Variants in PI4KA observed in about 807,000 individuals in gnomAD.
The protein encoded by PI4KA is phosphatidylinositol 4-kinase alpha.
In PI4KA, 122 loss-of-function variants were observed where a neutral mutation model predicts 271.4. The ratio of observed to expected loss-of-function variants is 0.45; its 90% CI spans 0.39 to 0.52. PI4KA has a LOEUF of 0.52. Among genes scored for constraint, PI4KA ranks in the 20% least tolerant of loss-of-function variants. The probability of loss-of-function intolerance (pLI) is 0.00; values close to 1 mark genes in which losing one functional copy is unlikely to be tolerated. For synonymous variants in PI4KA, 1,041 were observed against 1,078.8 expected (o/e 0.96, Z 0.69); for missense variants, 1,969 against 2,769.1 (o/e 0.71, Z 6.48).
At position 20,730,000 on chromosome 22, in the gene PI4KA, T is replaced by A; in HGVS notation, c.4300A>T (p.Thr1434Ser). 1 of 1,614,116 alleles carries A rather than the reference T, an allele frequency of 6.2e-7. No homozygotes were observed. Among genetic ancestry groups the A allele is most frequent in the Non-Finnish European group, 8.5e-7 (1 of 1,180,014 alleles). The change falls in exon 37 of 55, where the codon ACC (threonine) becomes TCC (serine). Residue 1434 changes from threonine to serine, a missense_variant. Thr to Ser is a moderately conservative substitution (Grantham distance 58). Coordinates refer to ENST00000255882, the MANE Select transcript of PI4KA (RefSeq NM_058004.4). ...SQLVPPDNQD[T>S]RSNLDITVGS... ...ACAGTTATGTCCAGGTTGCTCCGGGTGTCCTGATTATCTGAGGGCAAACAC... is the reference window on the plus strand; with the variant it reads ...ACAGTTATGTCCAGGTTGCTCCGGGAGTCCTGATTATCTGAGGGCAAACAC...
intron 19 of PI4KA, among the ~76,000 whole-genome samples, chr22:20,770,995 C>T (rs1315765182): frequency 1.3e-5 from 2 of 152,092 alleles, no homozygotes; most frequent in Admixed American, 6.5e-5. Flanking sequence ...ACTTGGCCAA[C>T]ATAGTGAGAC....
rs757979070 is a variant in PI4KA at position 20,712,587 on chromosome 22, C to T, written c.5701G>A (p.Asp1901Asn). The change falls in exon 50 of 55, where the codon GAC becomes AAC. Residue 1901 changes from aspartate (D) to asparagine (N), a missense_variant. By Grantham distance (23) the Asp-to-Asn change is conservative (BLOSUM62 1). Coordinates refer to ENST00000255882, the MANE Select transcript of PI4KA (RefSeq NM_058004.4). ...CCCAGCTGGTCCCGGGAGGTGCAGTCGGGGATGCACTCGATCACCCCGCAC... is the reference window on the plus strand; with the variant it reads ...CCCAGCTGGTCCCGGGAGGTGCAGTTGGGGATGCACTCGATCACCCCGCAC... ...PGCGVIECIP[D>N]CTSRDQLGRQ... 26 of 1,586,608 alleles carry T rather than the reference C, an allele frequency of 1.6e-5. No homozygotes were observed. Among genetic ancestry groups the T allele is most frequent in the African/African-American group, 4.1e-5 (3 of 73,714 alleles).
At chr22:20,805,859 AG>A (rs1023860673) in intron 10 of PI4KA, among the ~76,000 whole-genome samples, 2 of 151,434 alleles carry the variant, frequency 1.3e-5, no homozygotes, top group African/African-American at 4.9e-5. Flanking sequence ...AGAAAGAAAA[AG>A]GTTGTCAGAT....
intron 32 of PI4KA, among the ~76,000 whole-genome samples, chr22:20,737,929 CT>C (rs111741125): frequency 0.07 from 10,712 of 152,230 alleles, 364 homozygotes; most frequent in East Asian, 0.08. Flanking sequence ...CTGCGCCTGG[CT>C]GAGCAGCCCC....
At chr22:20,765,288 C>A in intron 20 of PI4KA, 52 bp from the exon 21 acceptor site, 3 of 1,535,540 alleles carry the variant, frequency 2.0e-6, no homozygotes, top group Non-Finnish European at 2.6e-6. Context: ...GAAAGCACTG[C>A]AGTGAGGTTG....
chr22:20,735,477 C>T lies in PI4KA; in HGVS notation c.3742-924G>A, dbSNP rs534572398. The stretch of plus-strand genomic sequence containing the variant: ...GGTGGCCACGTGGCCAGTCACAGGG[C>T]TCTCAGCCAGGGTCCCTGCTGGCTG... On this transcript the variant is annotated intron_variant, in intron 32 of 54. Coordinates refer to ENST00000255882, the MANE Select transcript of PI4KA (RefSeq NM_058004.4). 1.6e-4 allele frequency among the ~76,000 whole-genome samples: 24 copies of T among 147,664 alleles called. No homozygotes were observed. In the South Asian group the frequency reaches 4.8e-3, roughly 30 times the overall value.
intron 30 of PI4KA, chr22:20,743,033 T>G: frequency 2.0e-6 from 1 of 493,756 alleles, no homozygotes; most frequent in Non-Finnish European, 3.7e-6. Context: ...TTGTCCCTCA[T>G]CATTGTACCC....
At chr22:20,790,660 C>T (rs984728996) in intron 19 of PI4KA, among the ~76,000 whole-genome samples, 1 of 146,568 alleles carries the variant, frequency 6.8e-6, no homozygotes, top group African/African-American at 2.5e-5. Context: ...GACTCTGTCT[C>T]AAAAATAAAA....
rs1263709657 is a variant in PI4KA at position 20,805,002 on chromosome 22, G to C, written c.1332C>G (p.Leu444=). The part of the protein sequence containing the change: ...RCQANAACVD[L]MVWAVKDEQG... ...GCTCGTCCTTCACAGCCCACACCAT[G>C]AGGTCCACACAGGCAGCATTCGCCT... The change falls in exon 11 of 55, where the codon CTC becomes CTG. Residue 444 remains leucine (L), a synonymous_variant. Coordinates refer to ENST00000255882, the MANE Select transcript of PI4KA (RefSeq NM_058004.4). The C allele has an allele frequency of 1.2e-6, 2 of 1,613,878 alleles. No individual in the cohort carries two copies. Among genetic ancestry groups the C allele is most frequent in the Non-Finnish European group, 1.7e-6 (2 of 1,179,838 alleles).
chr22:20,763,347 G>A (rs901666802), intron 22 of PI4KA, among the ~76,000 whole-genome samples: 2 of 152,048 alleles, frequency 1.3e-5, no homozygotes, highest in African/African-American at 4.8e-5. Context: ...CCTGACCTCA[G>A]GATCTGCCTG....
intron 4 of PI4KA, 78 bp from the exon 5 acceptor site, chr22:20,820,689 A>C (rs1352635156): frequency 9.9e-7 from 1 of 1,005,488 alleles, no homozygotes; most frequent in African/African-American, 1.6e-5. Context: ...TCAGAATTAG[A>C]AGGCACTTCA....
chr22:20,722,300 C>G (rs1351495811), intron 42 of PI4KA, among the ~76,000 whole-genome samples: 1 of 152,168 alleles, frequency 6.6e-6, no homozygotes, highest in Non-Finnish European at 1.5e-5. Context: ...AATTCTCTTG[C>G]CTCAGCCTCC....
At chr22:20,760,820 C>T (rs1931885064) in intron 23 of PI4KA, among the ~76,000 whole-genome samples, 1 of 152,206 alleles carries the variant, frequency 6.6e-6, no homozygotes, top group Non-Finnish European at 1.5e-5. Context: ...CCTCTGTGCA[C>T]TCAGGGTCTG....
Position 20,799,112 on chromosome 22 carries a change from C to A in PI4KA, c.1985G>T (p.Cys662Phe). The change falls in exon 16 of 55, where the codon TGC (cysteine) becomes TTC (phenylalanine). Residue 662 changes from cysteine (C) to phenylalanine (F), a missense_variant. By Grantham distance (205) the Cys-to-Phe change is radical. Transcript: ENST00000255882. The part of the protein sequence containing the change: ...LDVLIIDQLG[C>F]LVITGNQYIY... ...CCTTACATTTCCGGTGATAACCAGG[C>A]AGCCCAGCTGGTCAATAATCAGCAC... 6.2e-7 allele frequency: 1 copy of A among 1,613,470 alleles called. No individual in the cohort carries two copies. Among genetic ancestry groups the A allele is most frequent in the Non-Finnish European group, 8.5e-7 (1 of 1,179,794 alleles).
intron 1 of PI4KA, among the ~76,000 whole-genome samples, chr22:20,858,332 A>C (rs912080147): frequency 2.7e-4 from 34 of 124,664 alleles, no homozygotes; most frequent in South Asian, 5.1e-4. Flanking sequence ...TCCCACAACC[A>C]CCCACCTGCA....
intron 22 of PI4KA, among the ~76,000 whole-genome samples, chr22:20,763,017 T>TGGG (rs1227387739): frequency 9.4e-4 from 49 of 52,198 alleles, no homozygotes; most frequent in Non-Finnish European, 1.1e-3. Flanking sequence ...CTTTTTTTTT[T>TGGG]GGGGGGGGGG....
chr22:20,734,367 C>A (rs373483268), intron 33 of PI4KA, 28 bp downstream of exon 33: 7 of 1,534,960 alleles, frequency 4.6e-6, no homozygotes, highest in Non-Finnish European at 4.5e-6. Flanking sequence ...GAGCACCCCA[C>A]AGCCTTCGTG....
At chr22:20,824,731 A>ATC (rs1199281106) in intron 3 of PI4KA, among the ~76,000 whole-genome samples, 1 of 119,144 alleles carries the variant, frequency 8.4e-6, no homozygotes, top group Middle Eastern at 3.8e-3. Context: ...AATGTGATAA[A>ATC]TCACACACAC....
chr22:20,729,370 T>A lies in PI4KA; in HGVS notation c.4625A>T (p.Asp1542Val). The change falls in exon 39 of 55, where the codon GAC becomes GTC. Residue 1542 changes from aspartate (D) to valine (V), a missense_variant. Physicochemically the swap from Asp to Val is radical, Grantham distance 152. Transcript: ENST00000255882. ...YISLSEKQWK[D>V]NVNLAWSISP... ...GATGCTCCAGGCGAGGTTCACGTTG[T>A]CCTTCCACTGCTTCTCACTCAGGCT... is the stretch of plus-strand genomic sequence containing the variant. The A allele has an allele frequency of 1.2e-6, 2 of 1,614,178 alleles. No individual in the cohort carries two copies. The highest frequency in any genetic ancestry group is 1.7e-6 in the Non-Finnish European group (2 of 1,180,016).
Sources: allele counts gnomAD v4.1 joint callset (sites outside exome capture counted in the v4.1 genomes callset), GRCh38; gene constraint gnomAD v4.1.1; transcripts MANE v1.5; gene names NCBI Gene and HGNC (gene_info 2026-07-23, HGNC 2026-07-21).